MYO18B: variants seen among roughly 807,000 people sequenced by gnomAD.
The protein encoded by MYO18B is unconventional myosin-XVIIIb.
A neutral mutation model predicts 273.0 loss-of-function variants in MYO18B; 204 were observed. The ratio of observed to expected loss-of-function variants is 0.75; its 90% CI spans 0.67 to 0.84. The LOEUF is 0.84. Among genes scored for constraint, MYO18B ranks in the 40% least tolerant of loss-of-function variants. MYO18B has a pLI of 0.00. For missense variants in MYO18B, 3,212 were observed against 3,287.6 expected (o/e 0.98, Z 0.56); for synonymous variants, 1,330 against 1,305.7 (o/e 1.02, Z -0.40).
chr22:25,922,455 A>G (rs114760607), intron 34 of MYO18B, among the ~76,000 whole-genome samples: 1,539 of 152,300 alleles, frequency 0.01, 21 homozygotes, highest in African/African-American at 0.036. Flanking sequence ...ATGATGTAGC[A>G]GGAACTCAGG....
intron 3 of MYO18B, among the ~76,000 whole-genome samples, chr22:25,764,254 G>A (rs975386384): frequency 1.3e-5 from 2 of 152,188 alleles, no homozygotes; most frequent in Admixed American, 6.5e-5. Context: ...TAAACTTGTC[G>A]CTGGTGGTGG....
intron 14 of MYO18B, among the ~76,000 whole-genome samples, chr22:25,827,971 C>T (rs1289814660): frequency 6.6e-6 from 1 of 152,124 alleles, no homozygotes; most frequent in Non-Finnish European, 1.5e-5. Context: ...TCTTATTATC[C>T]CCATTTTATA....
At chr22:25,868,705 G>GA (rs1235799817) in intron 22 of MYO18B, among the ~76,000 whole-genome samples, 4 of 152,170 alleles carry the variant, frequency 2.6e-5, no homozygotes, top group African/African-American at 9.7e-5. Flanking sequence ...TAAAACCTGA[G>GA]AAGAACTGCT....
chr22:25,931,192 T>G (rs2092494835), intron 34 of MYO18B, among the ~76,000 whole-genome samples: 1 of 152,220 alleles, frequency 6.6e-6, no homozygotes. Context: ...TAACCTCCTG[T>G]CGGAGAAGAT....
At chr22:25,902,838 C>A in intron 30 of MYO18B, 102 bp downstream of exon 30, 1 of 1,308,990 alleles carries the variant, frequency 7.6e-7, no homozygotes, top group Non-Finnish European at 1.0e-6. Context: ...GAAAACTTCA[C>A]AAGGGTATCC....
chr22:25,751,784 G>C (rs898674864), intron 1 of MYO18B, among the ~76,000 whole-genome samples: 1 of 152,122 alleles, frequency 6.6e-6, no homozygotes, highest in African/African-American at 2.4e-5. Context: ...GATCTATATC[G>C]GTGCTTGGCA....
At chr22:25,858,362 G>A (rs2090634481) in intron 21 of MYO18B, among the ~76,000 whole-genome samples, 1 of 152,206 alleles carries the variant, frequency 6.6e-6, no homozygotes, top group Admixed American at 6.5e-5. Flanking sequence ...GGGCTTCATG[G>A]GGGCAGGTGC....
chr22:25,864,315 C>A (rs2090825291), intron 21 of MYO18B, among the ~76,000 whole-genome samples: 1 of 152,062 alleles, frequency 6.6e-6, no homozygotes. Context: ...GAGTATTGAA[C>A]CTGTGGTTGT....
intron 13 of MYO18B, among the ~76,000 whole-genome samples, chr22:25,825,519 G>A (rs1479546625): frequency 6.6e-6 from 1 of 152,174 alleles, no homozygotes; most frequent in African/African-American, 2.4e-5. Context: ...TGATTTTAAT[G>A]GGATGCATAT....
the MYO18B span, among the ~76,000 whole-genome samples, chr22:26,054,095 T>A: frequency 6.6e-6 from 1 of 152,114 alleles, no homozygotes; most frequent in Non-Finnish European, 1.5e-5. Flanking sequence ...AAAGAGAGGA[T>A]GCCTGGATGC....
intron 23 of MYO18B, among the ~76,000 whole-genome samples, chr22:25,875,694 C>G (rs12167425): frequency 6.6e-6 from 1 of 152,184 alleles, no homozygotes; most frequent in East Asian, 1.9e-4. Context: ...CCAGGGGATT[C>G]TGATGCACAT....
At chr22:26,004,598 G>A in intron 41 of MYO18B, 120 bp from the exon 42 acceptor site, 1 of 1,169,122 alleles carries the variant, frequency 8.6e-7, no homozygotes, top group East Asian at 2.7e-5. Context: ...GGGATGGCGA[G>A]TGAGGTTATG....
rs555023640 is a variant in MYO18B, at chr22:25,909,567, T to C, written c.5259+1135T>C. On this transcript the variant is annotated intron_variant, in intron 32 of 43. Transcript: ENST00000335473. The stretch of plus-strand genomic sequence containing the variant: ...TGCCCATATTCCTTCAGGTGAAGAT[T>C]GCACACATTTCTGGTTTATTCTAAG... Among the ~76,000 whole-genome samples, 280 of 152,318 alleles carry C rather than the reference T, an allele frequency of 1.8e-3. 1 individual carries two copies. The highest frequency in any genetic ancestry group is 3.3e-3 in the Non-Finnish European group (227 of 68,024).
At chr22:25,754,977 C>T (rs1015877800) in intron 1 of MYO18B, among the ~76,000 whole-genome samples, 3 of 152,204 alleles carry the variant, frequency 2.0e-5, no homozygotes, top group African/African-American at 7.2e-5. Context: ...CAGGCCTGGG[C>T]TGGAGAGGAA....
chr22:26,039,123 T>C, the MYO18B span, among the ~76,000 whole-genome samples: 1 of 152,178 alleles, frequency 6.6e-6, no homozygotes, highest in Non-Finnish European at 1.5e-5. Flanking sequence ...CTGCCTGCTC[T>C]GTTCTTGGTG....
intron 12 of MYO18B, among the ~76,000 whole-genome samples, chr22:25,816,025 A>C (rs1442246952): frequency 6.6e-6 from 1 of 152,224 alleles, no homozygotes; most frequent in Non-Finnish European, 1.5e-5. Context: ...AGGTGGAACA[A>C]TATGTCCAGG....
At chr22:26,041,349 T>C in the MYO18B span, among the ~76,000 whole-genome samples, 10 of 74,530 alleles carry the variant, frequency 1.3e-4, no homozygotes, top group East Asian at 3.0e-3. Context: ...ACCCTGTCTC[T>C]ACCAAAAAAA....
At chr22:25,757,462 C>T (rs2086160608) in intron 1 of MYO18B, among the ~76,000 whole-genome samples, 1 of 151,938 alleles carries the variant, frequency 6.6e-6, no homozygotes, top group African/African-American at 2.4e-5. Flanking sequence ...TGGCACGTGC[C>T]TGTAGTCCCA....
rs183584416 is a variant in MYO18B at position 25,792,523 on chromosome 22, T to C, written c.2377-5430T>C. Among the ~76,000 whole-genome samples the C allele has an allele frequency of 1.1e-3, 109 of 99,570 alleles. 1 individual carries two copies. The highest frequency in any genetic ancestry group is 3.5e-3 in the African/African-American group (92 of 26,496). The allele number at this position is 99,570 out of a possible 152,430, so 65.3% of individuals were successfully genotyped here. ...TTTTTTTTTTTTTTTTGAGACAGAG[T>C]CTGGCTCTGTGCCCAGGCTGGAGTG... On this transcript the variant is annotated intron_variant, in intron 11 of 43. Transcript: ENST00000335473.
Sources: gnomAD v4.1 joint callset for allele counts (sites outside exome capture counted in the v4.1 genomes callset) on GRCh38, gnomAD v4.1.1 for gene constraint, MANE v1.5 for transcripts, NCBI Gene and HGNC (gene_info 2026-07-23, HGNC 2026-07-21) for gene names.